Variants in PLXNA4 observed in about 807,000 individuals in gnomAD.
The protein encoded by PLXNA4 is plexin A4.
In PLXNA4, 44 loss-of-function variants were observed where a neutral mutation model predicts 191.8. The observed-to-expected ratio is 0.23, with a 90% CI of 0.18 to 0.29. PLXNA4 has a LOEUF of 0.29. Among genes scored for constraint, PLXNA4 ranks in the 10% least tolerant of loss-of-function variants. The probability of loss-of-function intolerance (pLI) is 1.00; values close to 1 mark genes in which losing one functional copy is unlikely to be tolerated. For missense variants in PLXNA4, 1,800 were observed against 2,488.8 expected (o/e 0.72, Z 5.89); for synonymous variants, 1,082 against 1,009.5 (o/e 1.07, Z -1.36).
At chr7:132,433,989 A>G (rs1434431568) in intron 3 of PLXNA4, among the ~76,000 whole-genome samples, 1 of 152,218 alleles carries the variant, frequency 6.6e-6, no homozygotes, top group African/African-American at 2.4e-5. Flanking sequence ...TCAGCCCATC[A>G]ATGAAAGCAT....
intron 3 of PLXNA4, among the ~76,000 whole-genome samples, chr7:132,394,120 C>T (rs958639556): frequency 4.6e-5 from 7 of 151,966 alleles, no homozygotes; most frequent in Non-Finnish European, 1.0e-4. Context: ...ACCCAGGATA[C>T]ATGGGAGAGG....
At chr7:132,487,439 A>G (rs1797606824) in intron 3 of PLXNA4, among the ~76,000 whole-genome samples, 1 of 152,222 alleles carries the variant, frequency 6.6e-6, no homozygotes, top group South Asian at 2.1e-4. Context: ...CAGTGCATGA[A>G]TTGTACACAG....
chr7:132,588,289 A>T (rs985939243), intron 2 of PLXNA4, among the ~76,000 whole-genome samples: 3 of 152,150 alleles, frequency 2.0e-5, no homozygotes, highest in African/African-American at 7.2e-5. Flanking sequence ...AGTTTGTCTT[A>T]AATGACCTGA....
At chr7:132,247,407 G>A (rs1454702185) in intron 4 of PLXNA4, among the ~76,000 whole-genome samples, 3 of 150,610 alleles carry the variant, frequency 2.0e-5, no homozygotes, top group Admixed American at 1.3e-4. Context: ...TGTCAAAAAA[G>A]AAAGAAAAAA....
At chr7:132,530,625 G>A (rs964410080) in intron 1 of PLXNA4, among the ~76,000 whole-genome samples, 28 of 152,192 alleles carry the variant, frequency 1.8e-4, no homozygotes, top group Non-Finnish European at 7.3e-5. Context: ...GGGAACTCTT[G>A]GATACTGCTG....
At chr7:132,332,968 C>T (rs1802653514) in intron 3 of PLXNA4, among the ~76,000 whole-genome samples, 1 of 152,040 alleles carries the variant, frequency 6.6e-6, no homozygotes, top group African/African-American at 2.4e-5. Context: ...TTCTTTCTCA[C>T]TCTCTCTCTT....
intron 4 of PLXNA4, among the ~76,000 whole-genome samples, chr7:132,293,382 G>A (rs1800962559): frequency 6.6e-6 from 1 of 152,188 alleles, no homozygotes; most frequent in South Asian, 2.1e-4. Flanking sequence ...CAGAATGAGA[G>A]CCAAGCAAAT....
At chr7:132,350,443 G>A (rs1413636564) in intron 3 of PLXNA4, among the ~76,000 whole-genome samples, 1 of 152,176 alleles carries the variant, frequency 6.6e-6, no homozygotes, top group Non-Finnish European at 1.5e-5. Flanking sequence ...GGTGGAGACT[G>A]CATTGAGCCA....
intron 3 of PLXNA4, among the ~76,000 whole-genome samples, chr7:132,450,845 G>T (rs1436986182): frequency 6.6e-6 from 1 of 152,172 alleles, no homozygotes; most frequent in Admixed American, 6.5e-5. Flanking sequence ...AGCTCCCTGA[G>T]CAAGTCGGAG....
chr7:132,227,250 G>A (rs1485800815), intron 7 of PLXNA4, among the ~76,000 whole-genome samples: 2 of 152,206 alleles, frequency 1.3e-5, no homozygotes, highest in African/African-American at 4.8e-5. Context: ...GGCTGAGACA[G>A]AAGGGCTGTA....
chr7:132,361,301 G>A (rs530284729), intron 3 of PLXNA4, among the ~76,000 whole-genome samples: 1 of 152,278 alleles, frequency 6.6e-6, no homozygotes. Context: ...CCTTGTGTGT[G>A]CACTCACTGC....
intron 3 of PLXNA4, among the ~76,000 whole-genome samples, chr7:132,354,160 T>G (rs1803604547): frequency 1.3e-5 from 2 of 150,230 alleles, no homozygotes; most frequent in African/African-American, 5.0e-5. Context: ...TGTATGCCTG[T>G]AAGCCTGGGG....
intron 1 of PLXNA4, among the ~76,000 whole-genome samples, chr7:132,530,622 C>G (rs1799583312): frequency 6.6e-6 from 1 of 152,196 alleles, no homozygotes; most frequent in Non-Finnish European, 1.5e-5. Context: ...AATGGGAACT[C>G]TTGGATACTG....
chr7:132,233,534 C>T (rs1401929250), intron 5 of PLXNA4, among the ~76,000 whole-genome samples: 2 of 152,230 alleles, frequency 1.3e-5, no homozygotes, highest in East Asian at 3.8e-4. Flanking sequence ...GTAATTTTCC[C>T]TCTGCCATCA....
chr7:132,389,924 C>T (rs1449056952), intron 3 of PLXNA4, among the ~76,000 whole-genome samples: 1 of 152,080 alleles, frequency 6.6e-6, no homozygotes, highest in Non-Finnish European at 1.5e-5. Flanking sequence ...ACAACAGATG[C>T]CAGAGAGGAT....
intron 2 of PLXNA4, among the ~76,000 whole-genome samples, chr7:132,619,000 T>A (rs939820420): frequency 9.8e-5 from 15 of 152,362 alleles, no homozygotes; most frequent in Non-Finnish European, 1.6e-4. Flanking sequence ...GGAAATTTTT[T>A]AAATTCATTA....
chr7:132,551,957 G>A (rs1318080799), intron 1 of PLXNA4, among the ~76,000 whole-genome samples: 1 of 152,096 alleles, frequency 6.6e-6, no homozygotes, highest in Non-Finnish European at 1.5e-5. Flanking sequence ...TGTAATCAAG[G>A]TCTGACCAGG....
chr7:132,367,264 C>A (rs1804224248), intron 3 of PLXNA4, among the ~76,000 whole-genome samples: 2 of 152,216 alleles, frequency 1.3e-5, no homozygotes, highest in Admixed American at 6.5e-5. Context: ...GGTGGCCACA[C>A]AGATCCCTTG....
Position 132,257,746 on chromosome 7 carries a change from T to C in PLXNA4, c.1504-16580A>G, listed in dbSNP as rs185443390. ...CATTAGTTCTGACACAGATGCTCAG[T>C]TGTGGCCCTGTAGATTTGAAGGGAA... On this transcript the variant is annotated intron_variant, in intron 4 of 31. Transcript: ENST00000321063. Among the ~76,000 whole-genome samples, 20 of 152,306 alleles carry C rather than the reference T, an allele frequency of 1.3e-4. No homozygotes were observed. In the East Asian group the frequency reaches 3.5e-3, roughly 26 times the overall value.
Sources: gnomAD v4.1 joint callset for allele counts (sites outside exome capture counted in the v4.1 genomes callset) on GRCh38, gnomAD v4.1.1 for gene constraint, MANE v1.5 for transcripts, NCBI Gene and HGNC (gene_info 2026-07-23, HGNC 2026-07-21) for gene names.